The following STOX2 variants were observed in gnomAD, a reference collection of about 807,000 sequenced individuals.
STOX2 encodes the protein storkhead-box protein 2.
STOX2 carries 28 observed loss-of-function variants against 60.9 expected under a neutral mutation model. The ratio of observed to expected loss-of-function variants is 0.46; its 90% CI spans 0.34 to 0.63. The LOEUF is 0.63. STOX2 is among the 30% of genes least tolerant of loss of function. STOX2 has a pLI of 0.01. For synonymous variants in STOX2, 472 were observed against 463.9 expected (o/e 1.02, Z -0.22); for missense variants, 1,024 against 1,187.7 (o/e 0.86, Z 2.03).
At chr4:183,845,154 C>T (rs569823285) in intron 1 of STOX2, among the ~76,000 whole-genome samples, 7 of 152,212 alleles carry the variant, frequency 4.6e-5, no homozygotes, top group East Asian at 1.9e-4. Flanking sequence ...GACAGTAATA[C>T]GTACAATCAC....
chr4:183,936,613 A>C lies in STOX2; in HGVS notation c.166+29657A>C, dbSNP rs554713985. Among the ~76,000 whole-genome samples the C allele has an allele frequency of 4.6e-5, 7 of 152,218 alleles. No individual in the cohort carries two copies. The East Asian group carries it at 1.3e-3, about 29-fold the overall frequency. On this transcript the variant is annotated intron_variant, in intron 1 of 3. Coordinates refer to ENST00000308497, the MANE Select transcript of STOX2 (RefSeq NM_020225.3). ...TGTGTCTGAAGAGAATAAATGAAAA[A>C]CCTAGATTTTAAGAAACTAATAATT...
chr4:183,947,650 C>G (rs972487601), intron 1 of STOX2, among the ~76,000 whole-genome samples: 4 of 152,146 alleles, frequency 2.6e-5, no homozygotes, highest in African/African-American at 9.7e-5. Context: ...TAAATGTTCA[C>G]TCTGTGTTTT....
intron 1 of STOX2, among the ~76,000 whole-genome samples, chr4:183,811,859 T>C (rs1258930852): frequency 6.6e-6 from 1 of 151,992 alleles, no homozygotes; most frequent in Non-Finnish European, 1.5e-5. Context: ...TTTCTTAAAA[T>C]AATATCAGTT....
Position 183,825,929 on chromosome 4 carries a change from C to A in STOX2, c.364+27874C>A, listed in dbSNP as rs1449429732. On this transcript the variant is annotated intron_variant, in intron 1 of 2. Coordinates refer to the STOX2 transcript ENST00000513034. The surrounding 1 kb of genome is among the most constrained non-coding windows in gnomAD (Gnocchi z 4.1). ...CGCGAGAAGGGTCGTTGGCTGTGAG[C>A]TGAAAATCGACACCATTTGCAGTCG... Among the ~76,000 whole-genome samples the A allele has an allele frequency of 6.6e-6, 1 of 152,162 alleles. No individual in the cohort carries two copies. Among genetic ancestry groups the A allele is most frequent in the Non-Finnish European group, 1.5e-5 (1 of 68,024 alleles).
At chr4:183,813,705 T>C (rs1013866898) in intron 1 of STOX2, among the ~76,000 whole-genome samples, 1 of 152,226 alleles carries the variant, frequency 6.6e-6, no homozygotes, top group Admixed American at 6.5e-5. Flanking sequence ...CTCAGTTTTC[T>C]ATGTAATGTG....
At chr4:183,941,766 C>T (rs1742760456) in intron 1 of STOX2, among the ~76,000 whole-genome samples, 1 of 152,082 alleles carries the variant, frequency 6.6e-6, no homozygotes, top group African/African-American at 2.4e-5. Context: ...TGTGTTGTGC[C>T]TTACAAAGCT....
At chr4:183,932,358 GTATA>G (rs1742455248) in intron 1 of STOX2, among the ~76,000 whole-genome samples, 1 of 20,320 alleles carries the variant, frequency 4.9e-5, no homozygotes, top group African/African-American at 1.2e-4. Flanking sequence ...TATACATACA[GTATA>G]TGTATGTATA....
chr4:183,908,783 G>A (rs747421527), intron 1 of STOX2, among the ~76,000 whole-genome samples: 10 of 152,062 alleles, frequency 6.6e-5, no homozygotes, highest in Non-Finnish European at 1.0e-4. Flanking sequence ...GTCCTATGGT[G>A]ATAATGAAGG....
chr4:183,819,057 C>T (rs1739234988), intron 1 of STOX2, among the ~76,000 whole-genome samples: 27 of 151,464 alleles, frequency 1.8e-4, no homozygotes, highest in African/African-American at 5.8e-4. Flanking sequence ...CCTCACTTTC[C>T]AGACTGGGCA....
intron 1 of STOX2, among the ~76,000 whole-genome samples, chr4:183,852,447 T>A (rs62340390): frequency 0.91 from 11,255 of 12,312 alleles, 5,222 homozygotes; most frequent in East Asian, 0.96. Context: ...GAGGGAAAGG[T>A]TGAGAGAAAC....
At chr4:183,874,356 C>T (rs1365664444) in intron 1 of STOX2, among the ~76,000 whole-genome samples, 1 of 152,106 alleles carries the variant, frequency 6.6e-6, no homozygotes, top group Non-Finnish European at 1.5e-5. Flanking sequence ...AGCCTCCCTG[C>T]AGTCATAACT....
At chr4:183,847,456 C>T (rs1332898251) in intron 1 of STOX2, among the ~76,000 whole-genome samples, 1 of 152,154 alleles carries the variant, frequency 6.6e-6, no homozygotes, top group African/African-American at 2.4e-5. Flanking sequence ...GTCACTTCAC[C>T]ACCCAGGGAA....
At chr4:183,968,379 CAA>C (rs397941487) in intron 1 of STOX2, among the ~76,000 whole-genome samples, 142 of 151,150 alleles carry the variant, frequency 9.4e-4, no homozygotes, top group Non-Finnish European at 1.5e-3. Context: ...CACACACACA[CAA>C]AGAAGAGCAT....
At chr4:183,812,234 CTGTGATTTTCTTAAAGTCCAGCAGTT>C (rs773921854) in intron 1 of STOX2, among the ~76,000 whole-genome samples, 11 of 152,088 alleles carry the variant, frequency 7.2e-5, no homozygotes, top group Non-Finnish European at 1.3e-4. Flanking sequence ...GCCCAGCCGT[CTGTGATTTTCTTAAAGTCCAGCAGTT>C]TGTAGCTATA....
chr4:183,839,327 G>A (rs1303001705), intron 1 of STOX2, among the ~76,000 whole-genome samples: 4 of 152,174 alleles, frequency 2.6e-5, no homozygotes, highest in Admixed American at 6.5e-5. Context: ...TGTGGGTACC[G>A]TGACCTAGCC....
At chr4:183,948,540 C>CTTTTTTTTTTTTT (rs10687778) in intron 1 of STOX2, among the ~76,000 whole-genome samples, 4 of 78,210 alleles carry the variant, frequency 5.1e-5, no homozygotes, top group Non-Finnish European at 9.1e-5. Context: ...ATGCCTTATC[C>CTTTTTTTTTTTTT]TTTTTTTTTT....
At chr4:183,881,771 A>G (rs1191498809) in intron 1 of STOX2, among the ~76,000 whole-genome samples, 1 of 152,218 alleles carries the variant, frequency 6.6e-6, no homozygotes, top group African/African-American at 2.4e-5. Context: ...GTAGCACGAA[A>G]TAGACTTTTC....
chr4:183,822,867 CAGAG>C, intron 1 of STOX2, among the ~76,000 whole-genome samples: 1 of 152,304 alleles, frequency 6.6e-6, no homozygotes, highest in African/African-American at 2.4e-5. Flanking sequence ...GGCTGAAATT[CAGAG>C]AGGTTAAGTA....
At chr4:183,925,435 G>A (rs1403498808) in intron 1 of STOX2, among the ~76,000 whole-genome samples, 1 of 151,978 alleles carries the variant, frequency 6.6e-6, no homozygotes, top group Non-Finnish European at 1.5e-5. Flanking sequence ...CTCCCACCTT[G>A]GCCTCCCAAA....
Sources: gnomAD v4.1 joint callset for allele counts (sites outside exome capture counted in the v4.1 genomes callset) on GRCh38, gnomAD v4.1.1 for gene constraint, Gnocchi (gnomAD v3.1) non-coding constraint, MANE v1.5 for transcripts, NCBI Gene and HGNC (gene_info 2026-07-23, HGNC 2026-07-21) for gene names.